INTS10: variants seen among roughly 807,000 people sequenced by gnomAD.
INTS10 encodes the protein chromosome 8 open reading frame 35.
INTS10 carries 44 observed loss-of-function variants against 94.4 expected under a neutral mutation model. The ratio of observed to expected loss-of-function variants is 0.47; its 90% CI spans 0.37 to 0.60. INTS10 has a LOEUF of 0.60. Ranked by LOEUF, INTS10 falls within the 20% of genes least tolerant of loss-of-function variation. INTS10 has a pLI of 0.00. For synonymous variants in INTS10, 341 were observed against 320.7 expected (o/e 1.06, Z -0.68); for missense variants, 797 against 868.7 (o/e 0.92, Z 1.04).
intron 16 of INTS10, chr8:19,848,655 T>A (rs2068770857): frequency 6.6e-6 from 1 of 152,346 alleles, no homozygotes. Context: ...AACTCACCCT[T>A]TTTTTAAATC....
At chr8:19,817,801 C>A (rs556579301) in intron 1 of INTS10, 135 bp downstream of exon 1, 1 of 1,128,130 alleles carries the variant, frequency 8.9e-7, no homozygotes, top group Non-Finnish European at 1.2e-6. Flanking sequence ...TCCCCTCCCA[C>A]CCCCTCCTCT....
chr8:19,848,597 C>T (rs528797300), intron 16 of INTS10, among the ~76,000 whole-genome samples: 3 of 152,098 alleles, frequency 2.0e-5, no homozygotes, highest in Admixed American at 1.3e-4. Flanking sequence ...CCATGGGTCC[C>T]GGACTCTTAT....
At chr8:19,831,922 A>G in intron 10 of INTS10, 106 bp from the exon 11 acceptor site, 1 of 715,408 alleles carries the variant, frequency 1.4e-6, no homozygotes, top group Non-Finnish European at 2.6e-6. Context: ...AAGTTACTAT[A>G]CATTTTTGGT....
intron 9 of INTS10, 108 bp from the exon 10 acceptor site, chr8:19,830,298 C>T: frequency 1.1e-6 from 1 of 898,960 alleles, no homozygotes; most frequent in Non-Finnish European, 1.6e-6. Flanking sequence ...ATGTGGTATC[C>T]TTTGATATAA....
chr8:19,824,783 C>T lies in INTS10; in HGVS notation c.837-20C>T, dbSNP rs777369801. The T allele has an allele frequency of 1.9e-6, 3 of 1,578,434 alleles. No individual in the cohort carries two copies. Among genetic ancestry groups the T allele is most frequent in the African/African-American group, 2.7e-5 (2 of 73,682 alleles). On this transcript the variant is annotated intron_variant, in intron 7 of 16. Transcript: ENST00000397977. ...CAGCCCAGAGTAATCAAATAAGTTT[C>T]ATCATTCCTTCCTTTTTAGAAGCTA...
At chr8:19,837,391 C>T in intron 13 of INTS10, 1 of 475,312 alleles carries the variant, frequency 2.1e-6, no homozygotes, top group Middle Eastern at 5.8e-4. Flanking sequence ...TTTACAGTTC[C>T]TAATGAGATA....
rs1446745112 is a variant in INTS10 at position 19,843,451 on chromosome 8, C to T, written c.1719+524C>T. 1.3e-5 allele frequency among the ~76,000 whole-genome samples: 2 copies of T among 152,098 alleles called. No individual in the cohort carries two copies. The highest frequency in any genetic ancestry group is 2.9e-5 in the Non-Finnish European group (2 of 68,020). On this transcript the variant is annotated intron_variant, in intron 14 of 16. Coordinates refer to ENST00000397977, the MANE Select transcript of INTS10 (RefSeq NM_018142.4). The surrounding 1 kb of genome is among the most constrained non-coding windows in gnomAD (Gnocchi z 4.7). ...TCATTGTTTCTGGAAGGTTTGTTGGCCAGAGAGTAAAACATTGGGTCTCCA... is the reference window on the plus strand; with the variant it reads ...TCATTGTTTCTGGAAGGTTTGTTGGTCAGAGAGTAAAACATTGGGTCTCCA...
intron 9 of INTS10, among the ~76,000 whole-genome samples, chr8:19,829,105 A>G (rs1026865192): frequency 5.3e-5 from 8 of 152,038 alleles, no homozygotes; most frequent in African/African-American, 1.9e-4. Flanking sequence ...AGTTGCACAT[A>G]TTTTTATTTA....
chr8:19,851,895 C>T lies in INTS10; in HGVS notation c.*90C>T, dbSNP rs1416384080. On this transcript the variant is annotated 3_prime_UTR_variant, in exon 17 of 17. Coordinates refer to ENST00000397977, the MANE Select transcript of INTS10 (RefSeq NM_018142.4). This position sits in a 1 kb window ranked among gnomAD's most constrained non-coding sequence, Gnocchi z 5.0. ...GATTGCCATGGCACAGAGCCGTGGT[C>T]ATTGTTGCTGTTACAAAGAAGAAAA... is the stretch of plus-strand genomic sequence containing the variant. 6.8e-6 allele frequency: 8 copies of T among 1,168,044 alleles called. No individual in the cohort carries two copies. The highest frequency in any genetic ancestry group is 1.4e-5 in the South Asian group (1 of 69,966). The allele number at this position is 1,168,044 out of a possible 1,614,324, so 72.4% of individuals were successfully genotyped here. A position where few individuals can be genotyped will look rare whatever the true frequency, so the allele number is the denominator to read the frequency against.
At chr8:19,844,692 C>A (rs2068427271) in intron 15 of INTS10, among the ~76,000 whole-genome samples, 1 of 152,146 alleles carries the variant, frequency 6.6e-6, no homozygotes, top group Non-Finnish European at 1.5e-5. Context: ...GAGTACCCAC[C>A]AGAGATGCTG....
intron 7 of INTS10, 164 bp downstream of exon 7, chr8:19,824,208 C>G (rs1305908277): frequency 3.7e-6 from 2 of 547,724 alleles, no homozygotes; most frequent in East Asian, 3.2e-5. Flanking sequence ...CAAAACATTT[C>G]TGACTGGGCA....
rs1350422486 is a variant in INTS10, at chr8:19,837,035, G to T, written c.1531-17G>T. The T allele has an allele frequency of 3.3e-6, 5 of 1,513,466 alleles. No homozygotes were observed. The highest frequency in any genetic ancestry group is 1.7e-5 in the Admixed American group (1 of 58,628). The allele number at this position is 1,513,466 out of a possible 1,614,324, so 93.8% of individuals were successfully genotyped here. On this transcript the variant is annotated splice_polypyrimidine_tract_variant and intron_variant, in intron 12 of 16. Transcript: ENST00000397977. ...GAAAGCTTCAAGTTAGTTCCTTTTT[G>T]GTCTTTTCTGCTTTAGATGACATGT...
chr8:19,839,071 CA>C (rs796941891), intron 13 of INTS10, among the ~76,000 whole-genome samples: 7 of 144,784 alleles, frequency 4.8e-5, no homozygotes, highest in African/African-American at 7.6e-5. Context: ...GACTCCGTTT[CA>C]AAAAAAAAAC....
chr8:19,833,843 A>G (rs950362356), intron 12 of INTS10, among the ~76,000 whole-genome samples: 10 of 151,990 alleles, frequency 6.6e-5, no homozygotes, highest in African/African-American at 2.4e-4. Flanking sequence ...CCCCATCTCT[A>G]TTAAAATACA....
At chr8:19,847,615 A>T (rs2068683901) in intron 16 of INTS10, among the ~76,000 whole-genome samples, 1 of 152,246 alleles carries the variant, frequency 6.6e-6, no homozygotes, top group Non-Finnish European at 1.5e-5. Context: ...TTATCACTTT[A>T]CCTAGATAAT....
At chr8:19,824,717 TA>T in intron 7 of INTS10, 85 bp from the exon 8 acceptor site, 2 of 856,970 alleles carry the variant, frequency 2.3e-6, no homozygotes, top group Middle Eastern at 7.1e-4. Context: ...TTGGTACATG[TA>T]ATGGTACCAC....
intron 1 of INTS10, 144 bp from the exon 2 acceptor site, chr8:19,818,131 T>G (rs931810454): frequency 3.8e-6 from 3 of 780,056 alleles, no homozygotes; most frequent in African/African-American, 3.4e-5. Context: ...ATGGCAAGTC[T>G]GCCATGTATG....
intron 13 of INTS10, among the ~76,000 whole-genome samples, chr8:19,841,553 A>G (rs2068125077): frequency 6.6e-6 from 1 of 152,216 alleles, no homozygotes. Context: ...GCCAAAAACT[A>G]TTTGGAAAGA....
intron 7 of INTS10, 81 bp from the exon 8 acceptor site, chr8:19,824,722 G>C (rs2066655632): frequency 1.1e-6 from 1 of 905,232 alleles, no homozygotes; most frequent in South Asian, 1.8e-5. Flanking sequence ...ACATGTAATG[G>C]TACCACCAGA....
Sources: allele counts gnomAD v4.1 joint callset (sites outside exome capture counted in the v4.1 genomes callset), GRCh38; gene constraint gnomAD v4.1.1; non-coding constraint Gnocchi (gnomAD v3.1); transcripts MANE v1.5; gene names NCBI Gene and HGNC (gene_info 2026-07-23, HGNC 2026-07-21).